Variants in ELAVL4 observed in about 807,000 individuals in gnomAD.
ELAVL4 encodes ELAV-like protein 4.
A neutral mutation model predicts 35.6 loss-of-function variants in ELAVL4; 1 was observed. The observed-to-expected ratio is 0.03, with a 90% CI of 0.01 to 0.13. The LOEUF (loss-of-function observed/expected upper bound fraction) is 0.13, where lower values mean the gene tolerates loss of function less well. Ranked by LOEUF, ELAVL4 falls within the 10% of genes least tolerant of loss-of-function variation. The pLI is 1.00. For synonymous variants in ELAVL4, 156 were observed against 171.0 expected, an observed-to-expected ratio of 0.91 and a Z score of 0.69; for missense variants, 267 against 464.9, an observed-to-expected ratio of 0.57 and a Z score of 3.91.
chr1:50,197,691 G>A, intron 6 of ELAVL4: 1 of 444,978 alleles, frequency 2.2e-6, no homozygotes, highest in Non-Finnish European at 3.9e-6. Context: ...TTATTTGCAG[G>A]TGGGCTTCTC....
chr1:50,127,141 T>C (rs1182239134), intron 1 of ELAVL4, among the ~76,000 whole-genome samples: 1 of 152,092 alleles, frequency 6.6e-6, no homozygotes, highest in Non-Finnish European at 1.5e-5. Flanking sequence ...GATAAGGATG[T>C]CTCCTCCTAT....
chr1:50,075,850 G>A (rs967395992), intron 1 of ELAVL4, among the ~76,000 whole-genome samples: 1 of 151,944 alleles, frequency 6.6e-6, no homozygotes, highest in Non-Finnish European at 1.5e-5. Flanking sequence ...CAGAGAGAGA[G>A]AGAGTCTCAC....
chr1:50,192,405 TC>T lies in ELAVL4; in HGVS notation c.355-1356del, dbSNP rs546662138. On this transcript the variant is annotated intron_variant, in intron 3 of 6. Coordinates refer to ENST00000371824, the MANE Select transcript of ELAVL4 (RefSeq NM_001144774.3). ...CATCTTCTTTGCTAGACCCATTCTC[TC>T]CCCTGAAGGTCACAGAAGCAGGGTC... Among the ~76,000 whole-genome samples the T allele has an allele frequency of 9.2e-5, 14 of 152,186 alleles. No individual in the cohort carries two copies. In the South Asian group the frequency reaches 2.5e-3, roughly 27 times the overall value.
At position 50,063,938 on chromosome 1, in the gene ELAVL4, G is replaced by A. The variant is rs544724710; in HGVS notation, c.18+15756G>A. On this transcript the variant is annotated intron_variant, in intron 1 of 6. Coordinates refer to the ELAVL4 transcript ENST00000448907. ...TTCCTGTTTTCCCTATTTTCAACTG[G>A]AAGTGACATTTAAACTAAGGAATAA... Among the ~76,000 whole-genome samples, 3 of 152,180 alleles carry A rather than the reference G, an allele frequency of 2.0e-5. No homozygotes were observed. The South Asian group carries it at 6.2e-4, about 32-fold the overall frequency.
intron 3 of ELAVL4, among the ~76,000 whole-genome samples, chr1:50,184,898 C>T (rs1375756024): frequency 6.6e-6 from 1 of 152,150 alleles, no homozygotes; most frequent in Non-Finnish European, 1.5e-5. Context: ...TGTAGAGCTG[C>T]TCTGTCCAGC....
intron 1 of ELAVL4, among the ~76,000 whole-genome samples, chr1:50,064,818 C>A (rs1664181328): frequency 6.6e-6 from 1 of 152,154 alleles, no homozygotes. Flanking sequence ...ATTAGTAATA[C>A]CCTCTTACTT....
intron 1 of ELAVL4, among the ~76,000 whole-genome samples, chr1:50,084,713 T>A (rs2148499522): frequency 6.6e-6 from 1 of 151,702 alleles, no homozygotes; most frequent in South Asian, 2.1e-4. Context: ...ACTCTTGTCT[T>A]AGATCTTAAT....
At chr1:50,110,497 A>G (rs1177816930) in intron 1 of ELAVL4, among the ~76,000 whole-genome samples, 1 of 152,176 alleles carries the variant, frequency 6.6e-6, no homozygotes, top group African/African-American at 2.4e-5. Flanking sequence ...TATTTTTAGC[A>G]TCATCTTTTT....
chr1:50,105,707 T>C (rs1423871467), upstream of ELAVL4: 1 of 152,620 alleles, frequency 6.6e-6, no homozygotes, highest in Non-Finnish European at 1.5e-5. Context: ...AAGAGAGCAG[T>C]ACATATAACA....
intron 3 of ELAVL4, among the ~76,000 whole-genome samples, chr1:50,178,528 C>T (rs1224055134): frequency 2.0e-5 from 3 of 152,150 alleles, no homozygotes; most frequent in African/African-American, 7.2e-5. Context: ...ATTGCTTTCC[C>T]TGATCTCATA....
chr1:50,075,740 A>G (rs1422896383), intron 1 of ELAVL4, among the ~76,000 whole-genome samples: 1 of 152,212 alleles, frequency 6.6e-6, no homozygotes, highest in African/African-American at 2.4e-5. Context: ...GTGGGGCAAC[A>G]TCTTGATGAA....
intron 1 of ELAVL4, chr1:50,109,958 G>A (rs1434088716): frequency 6.2e-7 from 1 of 1,612,426 alleles, no homozygotes; most frequent in South Asian, 1.1e-5. Context: ...GGAATGGCTT[G>A]AAGATGGTAA....
intron 1 of ELAVL4, among the ~76,000 whole-genome samples, chr1:50,069,250 G>A (rs900075938): frequency 8.5e-5 from 13 of 152,268 alleles, no homozygotes; most frequent in Admixed American, 2.6e-4. Flanking sequence ...TTCTCTGTGA[G>A]GTCTTCTGCT....
intron 1 of ELAVL4, among the ~76,000 whole-genome samples, chr1:50,062,131 T>G (rs1027314907): frequency 4.6e-5 from 7 of 152,172 alleles, no homozygotes; most frequent in Admixed American, 3.3e-4. Flanking sequence ...TAAGTATCCT[T>G]TGTATCCCAG....
At chr1:50,133,647 G>GAAAGAAAT (rs1671376584) in intron 1 of ELAVL4, among the ~76,000 whole-genome samples, 1 of 148,360 alleles carries the variant, frequency 6.7e-6, no homozygotes, top group Non-Finnish European at 1.5e-5. Context: ...AAGAAAGAAA[G>GAAAGAAAT]AAAGAGAAAG....
intron 1 of ELAVL4, among the ~76,000 whole-genome samples, chr1:50,087,648 A>G (rs1056881434): frequency 9.2e-5 from 14 of 152,138 alleles, no homozygotes; most frequent in African/African-American, 3.4e-4. Flanking sequence ...ATGTGACTGT[A>G]TTTGGACATA....
At chr1:50,144,255 G>A (rs1673304738) in intron 1 of ELAVL4, among the ~76,000 whole-genome samples, 1 of 152,074 alleles carries the variant, frequency 6.6e-6, no homozygotes, top group Non-Finnish European at 1.5e-5. Context: ...ATATGTGAGT[G>A]GACAGCCTCA....
chr1:50,179,041 A>G (rs1417130466), intron 3 of ELAVL4, among the ~76,000 whole-genome samples: 2 of 151,660 alleles, frequency 1.3e-5, no homozygotes, highest in Admixed American at 6.6e-5. Flanking sequence ...CTGGTCTCAG[A>G]TGTACCCCCT....
At chr1:50,167,642 A>G (rs1007188348) in intron 2 of ELAVL4, among the ~76,000 whole-genome samples, 7 of 152,234 alleles carry the variant, frequency 4.6e-5, no homozygotes, top group African/African-American at 1.2e-4. Flanking sequence ...GTGGAAGTCC[A>G]TGTTGCTGAG....
Sources: gnomAD v4.1 joint callset for allele counts (sites outside exome capture counted in the v4.1 genomes callset) on GRCh38, gnomAD v4.1.1 for gene constraint, MANE v1.5 for transcripts, NCBI Gene and HGNC (gene_info 2026-07-23, HGNC 2026-07-21) for gene names.